Variants in TCF4 observed in about 807,000 individuals in gnomAD.
TCF4 encodes the protein SL3-3 enhancer factor 2.
TCF4 carries 3 observed loss-of-function variants against 82.1 expected under a neutral mutation model. The ratio of observed to expected loss-of-function variants is 0.04; its 90% CI spans 0.02 to 0.09. The LOEUF (loss-of-function observed/expected upper bound fraction) is 0.09, where lower values mean the gene tolerates loss of function less well. TCF4 is among the 10% of genes least tolerant of loss of function. The pLI is 1.00. For missense variants in TCF4, 518 were observed against 852.7 expected, an observed-to-expected ratio of 0.61 and a Z score of 4.89; for synonymous variants, 276 against 309.6, an observed-to-expected ratio of 0.89 and a Z score of 1.14.
intron 5 of TCF4, among the ~76,000 whole-genome samples, chr18:55,427,269 T>C (rs1219590243): frequency 6.6e-6 from 1 of 152,174 alleles, no homozygotes; most frequent in African/African-American, 2.4e-5. Flanking sequence ...GGGGAAAACA[T>C]TGGAAGGGGA....
intron 3 of TCF4, among the ~76,000 whole-genome samples, chr18:55,496,668 A>AT (rs1375167299): frequency 6.6e-6 from 1 of 152,156 alleles, no homozygotes; most frequent in African/African-American, 2.4e-5. Flanking sequence ...GCATGATGCC[A>AT]TAAATCTTTG....
intron 5 of TCF4, among the ~76,000 whole-genome samples, chr18:55,432,702 T>C (rs775042458): frequency 6.6e-6 from 1 of 152,244 alleles, no homozygotes; most frequent in Non-Finnish European, 1.5e-5. Flanking sequence ...TCTGATTCTC[T>C]AAATTGCTTC....
chr18:55,586,319 A>G, intron 2 of TCF4: 1 of 712,034 alleles, frequency 1.4e-6, no homozygotes, highest in Non-Finnish European at 2.4e-6. Context: ...ATCTTACACC[A>G]AACTCATCTG....
intron 8 of TCF4, among the ~76,000 whole-genome samples, chr18:55,309,278 AT>A (rs5825134): frequency 0.33 from 48,100 of 144,726 alleles, 7,837 homozygotes; most frequent in East Asian, 0.55. Flanking sequence ...TGCCTGGCTA[AT>A]TTTTTTTTTT....
chr18:55,417,629 C>T (rs1231402016), intron 5 of TCF4, among the ~76,000 whole-genome samples: 1 of 152,120 alleles, frequency 6.6e-6, no homozygotes, highest in Non-Finnish European at 1.5e-5. Context: ...CCTGCTAATA[C>T]CATGTCCCAG....
chr18:55,605,223 T>C (rs555117904), intron 2 of TCF4, among the ~76,000 whole-genome samples: 1 of 152,210 alleles, frequency 6.6e-6, no homozygotes, highest in Admixed American at 6.5e-5. Context: ...AAACCCATCA[T>C]ACCCAATTGC....
chr18:55,289,949 T>C (rs188549367), intron 8 of TCF4, among the ~76,000 whole-genome samples: 4 of 151,244 alleles, frequency 2.6e-5, no homozygotes, highest in Middle Eastern at 3.5e-3. Context: ...GGGCACAGAA[T>C]AGGCTCAAAA....
At chr18:55,287,532 G>T (rs983977481) in intron 8 of TCF4, among the ~76,000 whole-genome samples, 1 of 152,132 alleles carries the variant, frequency 6.6e-6, no homozygotes, top group African/African-American at 2.4e-5. Context: ...ATTACAGAAC[G>T]GAAAAATGTC....
chr18:55,328,381 T>TAA (rs141600042), intron 8 of TCF4, among the ~76,000 whole-genome samples: 5 of 145,360 alleles, frequency 3.4e-5, no homozygotes, highest in African/African-American at 7.6e-5. Flanking sequence ...GGAATGTTCT[T>TAA]AAAAAAAAAA....
chr18:55,400,937 T>C (rs2093778647), intron 6 of TCF4: 2 of 1,286,464 alleles, frequency 1.6e-6, no homozygotes, highest in African/African-American at 1.5e-5. Context: ...AGGTTTCCTA[T>C]TCCGTATCTC....
chr18:55,235,345 C>T (rs976746834), intron 15 of TCF4, among the ~76,000 whole-genome samples: 2 of 152,092 alleles, frequency 1.3e-5, no homozygotes, highest in African/African-American at 4.8e-5. Flanking sequence ...GCCACCACAC[C>T]GGAAAATGTA....
At chr18:55,288,860 C>T (rs147471191) in intron 8 of TCF4, among the ~76,000 whole-genome samples, 3 of 152,314 alleles carry the variant, frequency 2.0e-5, no homozygotes, top group East Asian at 1.9e-4. Context: ...ACCAGACCCA[C>T]GACTAAATAT....
chr18:55,531,093 A>C (rs1200148357), intron 3 of TCF4, among the ~76,000 whole-genome samples: 1 of 152,038 alleles, frequency 6.6e-6, no homozygotes, highest in Non-Finnish European at 1.5e-5. Flanking sequence ...CTGGGAGTAC[A>C]GGTGCCCACC....
intron 5 of TCF4, among the ~76,000 whole-genome samples, chr18:55,447,304 A>G (rs966559069): frequency 6.6e-5 from 10 of 152,120 alleles, no homozygotes; most frequent in Non-Finnish European, 1.2e-4. Context: ...CTCAAAAAAA[A>G]AAAAAAAATT....
intron 5 of TCF4, among the ~76,000 whole-genome samples, chr18:55,455,766 C>CA (rs2095738657): frequency 6.6e-6 from 1 of 152,222 alleles, no homozygotes; most frequent in Admixed American, 6.5e-5. Flanking sequence ...TTTTCTAATA[C>CA]TCACACTTCT....
chr18:55,632,626 G>A (rs2097732694), intron 1 of TCF4, among the ~76,000 whole-genome samples: 1 of 152,214 alleles, frequency 6.6e-6, no homozygotes, highest in South Asian at 2.1e-4. Context: ...TCTTACAGAA[G>A]ACTTCTCATG....
At chr18:55,278,799 A>T (rs1340461374) in intron 9 of TCF4, among the ~76,000 whole-genome samples, 2 of 118,356 alleles carry the variant, frequency 1.7e-5, no homozygotes, top group Non-Finnish European at 3.4e-5. Context: ...TGATATCCTG[A>T]CCTTGTGATT....
At chr18:55,558,724 G>T (rs185369541) in intron 3 of TCF4, among the ~76,000 whole-genome samples, 16 of 152,160 alleles carry the variant, frequency 1.1e-4, no homozygotes, top group Middle Eastern at 3.4e-3. Context: ...TATTGTTATC[G>T]TTTTTAGGTA....
chr18:55,546,137 A>C (rs1603620682), intron 3 of TCF4, among the ~76,000 whole-genome samples: 1 of 152,046 alleles, frequency 6.6e-6, no homozygotes, highest in East Asian at 1.9e-4. Context: ...GGAGTAAGAG[A>C]CCAGCCTCCG....
Sources: gnomAD v4.1 joint callset for allele counts (sites outside exome capture counted in the v4.1 genomes callset) on GRCh38, gnomAD v4.1.1 for gene constraint, MANE v1.5 for transcripts, NCBI Gene and HGNC (gene_info 2026-07-23, HGNC 2026-07-21) for gene names.